The following ADRA1B variants were observed in gnomAD, a reference collection of about 807,000 sequenced individuals.
ADRA1B encodes the protein alpha-1B adrenergic receptor.
A neutral mutation model predicts 17.9 loss-of-function variants in ADRA1B; 17 were observed. The observed-to-expected ratio is 0.95, with a 90% CI of 0.65 to 1.42. The LOEUF (loss-of-function observed/expected upper bound fraction) is 1.42, where lower values mean the gene tolerates loss of function less well. Ranked by LOEUF, ADRA1B falls within the 40% of genes most tolerant of loss-of-function variation. ADRA1B has a pLI of 0.00. For synonymous variants in ADRA1B, 366 were observed against 327.6 expected (o/e 1.12, Z -1.27); for missense variants, 681 against 722.1 (o/e 0.94, Z 0.65).
chr5:159,927,902 T>C (rs1424496043), intron 1 of ADRA1B, among the ~76,000 whole-genome samples: 1 of 152,056 alleles, frequency 6.6e-6, no homozygotes, highest in Non-Finnish European at 1.5e-5. Context: ...AAAGGAAAAA[T>C]GTGACTTACT....
At chr5:159,960,294 C>G (rs1456064726) in intron 1 of ADRA1B, among the ~76,000 whole-genome samples, 1 of 152,216 alleles carries the variant, frequency 6.6e-6, no homozygotes, top group Admixed American at 6.5e-5. Context: ...AGTCAATGCT[C>G]TTGCAGAGAA....
At chr5:159,951,364 T>C in intron 1 of ADRA1B, 2 of 1,030,286 alleles carry the variant, frequency 1.9e-6, no homozygotes, top group Non-Finnish European at 1.5e-6. Flanking sequence ...TACTCGAACA[T>C]GTAAACCATG....
chr5:159,909,911 G>T (rs1239342017), intron 1 of ADRA1B, among the ~76,000 whole-genome samples: 2 of 152,176 alleles, frequency 1.3e-5, no homozygotes, highest in East Asian at 3.8e-4. Context: ...AAAGTGTAGG[G>T]TAAAGAACGT....
chr5:159,910,398 G>T (rs1754216135), intron 1 of ADRA1B, among the ~76,000 whole-genome samples: 1 of 152,194 alleles, frequency 6.6e-6, no homozygotes, highest in Admixed American at 6.5e-5. Context: ...GAAAGTGGTG[G>T]CAAAAGCAAG....
intron 1 of ADRA1B, among the ~76,000 whole-genome samples, chr5:159,970,327 GTAT>G (rs1050896934): frequency 6.6e-6 from 1 of 151,988 alleles, no homozygotes; most frequent in African/African-American, 2.4e-5. Context: ...TACTTAAATG[GTAT>G]TATGTCATAA....
chr5:159,951,279 A>G (rs1755431889), intron 1 of ADRA1B: 5 of 1,269,734 alleles, frequency 3.9e-6, no homozygotes, highest in Non-Finnish European at 5.7e-6. Context: ...GAAGATGGTG[A>G]TGGGATTTCC....
At chr5:159,985,224 A>G in the ADRA1B span, among the ~76,000 whole-genome samples, 1 of 152,158 alleles carries the variant, frequency 6.6e-6, no homozygotes, top group Non-Finnish European at 1.5e-5. Context: ...CTGATTACCC[A>G]TTCTAAAACA....
At chr5:159,976,540 A>G (rs1200289969), downstream of ADRA1B, among the ~76,000 whole-genome samples, 3 of 151,424 alleles carry the variant, frequency 2.0e-5, no homozygotes, top group African/African-American at 7.3e-5. Flanking sequence ...GGTGGCATGC[A>G]CCTGTAATCC....
At position 159,972,303 on chromosome 5, in the gene ADRA1B, G is replaced by T. The variant is rs1413791398; in HGVS notation, c.1374G>T (p.Ala458=). ...CCGGCGCCCTCCTGAGCCTGCCCGC[G>T]CCTGAGCCCCCCGGCCGCCGCGGCC... The part of the protein sequence containing the change: ...KAPGALLSLP[A]PEPPGRRGRH... Residue 458 remains alanine, a synonymous_variant, in exon 2 of 2, where the codon GCG becomes GCT. Transcript: ENST00000306675. The T allele has an allele frequency of 1.4e-6, 2 of 1,427,018 alleles. No homozygotes were observed. Among genetic ancestry groups the T allele is most frequent in the East Asian group, 3.1e-5 (1 of 32,550 alleles). The allele number at this position is 1,427,018 out of a possible 1,614,324, so 88.4% of individuals were successfully genotyped here.
chr5:159,959,704 C>T (rs531084265), intron 1 of ADRA1B, among the ~76,000 whole-genome samples: 3 of 151,784 alleles, frequency 2.0e-5, no homozygotes, highest in Non-Finnish European at 4.4e-5. Flanking sequence ...TAGATACTTG[C>T]ATTTTAATAG....
At chr5:159,885,903 A>G (rs1190012060) in intron 1 of ADRA1B, among the ~76,000 whole-genome samples, 1 of 152,158 alleles carries the variant, frequency 6.6e-6, no homozygotes, top group Non-Finnish European at 1.5e-5. Context: ...TATTATCCCC[A>G]TTATACAGTT....
At chr5:159,983,219 C>T in the ADRA1B span, among the ~76,000 whole-genome samples, 17 of 152,294 alleles carry the variant, frequency 1.1e-4, no homozygotes, top group African/African-American at 4.1e-4. Flanking sequence ...GCAGGACTTC[C>T]CTATCCCAAC....
chr5:159,960,258 G>A (rs1430537443), intron 1 of ADRA1B, among the ~76,000 whole-genome samples: 1 of 152,206 alleles, frequency 6.6e-6, no homozygotes, highest in Admixed American at 6.5e-5. Flanking sequence ...TGTGGACAGC[G>A]TGAATAAAGG....
chr5:159,962,611 A>C (rs1755686682), intron 1 of ADRA1B, among the ~76,000 whole-genome samples: 2 of 151,904 alleles, frequency 1.3e-5, no homozygotes, highest in African/African-American at 4.8e-5. Flanking sequence ...GAGCTAAAAA[A>C]GTTGGCGGCA....
At chr5:159,911,044 C>T (rs1172109818) in intron 1 of ADRA1B, among the ~76,000 whole-genome samples, 1 of 152,182 alleles carries the variant, frequency 6.6e-6, no homozygotes, top group African/African-American at 2.4e-5. Flanking sequence ...TCTCTATCAG[C>T]TCCCTGCCCT....
intron 1 of ADRA1B, among the ~76,000 whole-genome samples, chr5:159,955,703 C>T (rs1451603596): frequency 2.0e-5 from 3 of 152,110 alleles, no homozygotes; most frequent in African/African-American, 7.2e-5. Context: ...ACCTTTTTCC[C>T]TAATTTCCAT....
chr5:159,873,766 G>A (rs559470756), intron 1 of ADRA1B, among the ~76,000 whole-genome samples: 1 of 152,258 alleles, frequency 6.6e-6, no homozygotes, highest in African/African-American at 2.4e-5. Context: ...TAGACAGTGT[G>A]CAGGCCTGTC....
intron 1 of ADRA1B, among the ~76,000 whole-genome samples, chr5:159,944,835 A>C (rs1049343025): frequency 6.6e-6 from 1 of 152,184 alleles, no homozygotes; most frequent in African/African-American, 2.4e-5. Flanking sequence ...CCCTGTCTCG[A>C]GTACTCTTCA....
intron 1 of ADRA1B, chr5:159,947,971 G>C (rs964324436): frequency 5.1e-6 from 5 of 985,290 alleles, no homozygotes; most frequent in Non-Finnish European, 6.0e-6. Context: ...TTGGCTTTGC[G>C]TCATGAAGGG....
Sources: allele counts gnomAD v4.1 joint callset (sites outside exome capture counted in the v4.1 genomes callset), GRCh38; gene constraint gnomAD v4.1.1; transcripts MANE v1.5; gene names NCBI Gene and HGNC (gene_info 2026-07-23, HGNC 2026-07-21).